The following HTR7 variants were observed in gnomAD, a reference collection of about 807,000 sequenced individuals.
HTR7 encodes 5-hydroxytryptamine receptor 7.
In HTR7, 16 loss-of-function variants were observed where a neutral mutation model predicts 34.0. The ratio of observed to expected loss-of-function variants is 0.47; its 90% CI spans 0.32 to 0.71. The LOEUF is 0.71. HTR7 is among the 30% of genes least tolerant of loss of function. The probability of loss-of-function intolerance (pLI) is 0.04; values close to 1 mark genes in which losing one functional copy is unlikely to be tolerated. For missense variants in HTR7, 504 were observed against 625.5 expected, an observed-to-expected ratio of 0.81 and a Z score of 2.07; for synonymous variants, 265 against 260.2, an observed-to-expected ratio of 1.02 and a Z score of -0.18.
At chr10:90,805,199 A>G (rs1037366924) in intron 1 of HTR7, among the ~76,000 whole-genome samples, 2 of 152,180 alleles carry the variant, frequency 1.3e-5, no homozygotes, top group Admixed American at 6.5e-5. Context: ...GGTCATTACT[A>G]TAGGGGGCTA....
At chr10:90,820,054 A>C (rs997973435) in intron 1 of HTR7, among the ~76,000 whole-genome samples, 1 of 152,194 alleles carries the variant, frequency 6.6e-6, no homozygotes, top group Admixed American at 6.5e-5. Flanking sequence ...CTATTTAAAA[A>C]AAGAAAGAAA....
chr10:90,806,827 G>C (rs1434173427), intron 1 of HTR7, among the ~76,000 whole-genome samples: 2 of 151,816 alleles, frequency 1.3e-5, no homozygotes, highest in Non-Finnish European at 2.9e-5. Flanking sequence ...GCTGGGCCTT[G>C]GCCAAACCAA....
chr10:90,748,361 T>G (rs1408902475), intron 2 of HTR7, among the ~76,000 whole-genome samples: 1 of 152,176 alleles, frequency 6.6e-6, no homozygotes, highest in Non-Finnish European at 1.5e-5. Context: ...CTCTTCTTTT[T>G]CCTGGGCTGC....
chr10:90,752,989 TAACA>T (rs1173046014), intron 1 of HTR7, among the ~76,000 whole-genome samples: 1 of 152,178 alleles, frequency 6.6e-6, no homozygotes, highest in Non-Finnish European at 1.5e-5. Context: ...TAAATGTTTG[TAACA>T]AACAAAATAA....
At chr10:90,801,676 A>C (rs1229416938) in intron 1 of HTR7, among the ~76,000 whole-genome samples, 1 of 152,208 alleles carries the variant, frequency 6.6e-6, no homozygotes, top group Non-Finnish European at 1.5e-5. Context: ...TGGCATAGCC[A>C]GTAGGATCCC....
intron 1 of HTR7, among the ~76,000 whole-genome samples, chr10:90,825,312 G>A (rs143326580): frequency 4.3e-4 from 65 of 152,188 alleles, no homozygotes; most frequent in East Asian, 1.4e-3. Flanking sequence ...CAGACATGGC[G>A]GCAGTGACCA....
At position 90,789,993 on chromosome 10, in the gene HTR7, A is replaced by G. The variant is rs78716835; in HGVS notation, c.540-40399T>C. On this transcript the variant is annotated intron_variant, in intron 1 of 3. Transcript: ENST00000336152. ...TATTTCATTTCATTTTTTCAAGAAAATATCTACTTAGTGCACACCCTACAC... is the reference window on the plus strand; with the variant it reads ...TATTTCATTTCATTTTTTCAAGAAAGTATCTACTTAGTGCACACCCTACAC... Among the ~76,000 whole-genome samples the G allele has an allele frequency of 2.9e-3, 442 of 152,280 alleles. 2 individuals carry two copies. The highest frequency in any genetic ancestry group is 6.8e-3 in the Middle Eastern group (2 of 294).
At chr10:90,843,611 G>C (rs143298668) in intron 1 of HTR7, among the ~76,000 whole-genome samples, 2 of 152,224 alleles carry the variant, frequency 1.3e-5, no homozygotes, top group South Asian at 4.2e-4. Context: ...GCCAAAATAC[G>C]GGGAGGAGAG....
intron 1 of HTR7, among the ~76,000 whole-genome samples, chr10:90,834,754 T>C (rs966894484): frequency 5.9e-5 from 9 of 152,120 alleles, no homozygotes; most frequent in Admixed American, 5.2e-4. Context: ...CCAACTCCAA[T>C]GAACCCCCCT....
chr10:90,806,513 G>A (rs2119944858), intron 1 of HTR7, among the ~76,000 whole-genome samples: 1 of 152,164 alleles, frequency 6.6e-6, no homozygotes, highest in South Asian at 2.1e-4. Flanking sequence ...GCAGGAGAAT[G>A]GCGTGAACCC....
chr10:90,824,062 T>C lies in HTR7; in HGVS notation c.539+33071A>G, dbSNP rs183953366. 3.3e-4 allele frequency among the ~76,000 whole-genome samples: 51 copies of C among 152,372 alleles called. No individual in the cohort carries two copies. In the East Asian group the frequency reaches 7.3e-3, roughly 22 times the overall value. On this transcript the variant is annotated intron_variant, in intron 1 of 3. Coordinates refer to ENST00000336152, the MANE Select transcript of HTR7 (RefSeq NM_019859.4). ...TCACAGAGTAACACAGGAGGGCTTG[T>C]ACTAACCATCCCCCAATCCCAGGCA... is the stretch of plus-strand genomic sequence containing the variant.
chr10:90,742,655 GATT>G, intron 3 of HTR7, 127 bp from the exon 4 acceptor site: 1 of 606,242 alleles, frequency 1.6e-6, no homozygotes, highest in Non-Finnish European at 2.9e-6. Context: ...GCTTTTAAGG[GATT>G]ATGAGTATCC....
chr10:90,854,101 C>T (rs1410764898), intron 1 of HTR7, among the ~76,000 whole-genome samples: 1 of 152,222 alleles, frequency 6.6e-6, no homozygotes, highest in Non-Finnish European at 1.5e-5. Context: ...CCTGGTGGCT[C>T]ACGCCTGTAA....
In HTR7 at chr10:90,743,898, C is replaced by A. The variant is rs17099386; in HGVS notation, c.1296-208G>T. On this transcript the variant is annotated intron_variant, in intron 2 of 3. Transcript: ENST00000336152. ...TTTCCTCCATCTATTCACTTCATTACCCCAGGGAAAATTTTCGAGTGCCTG... is the reference window on the plus strand; with the variant it reads ...TTTCCTCCATCTATTCACTTCATTAACCCAGGGAAAATTTTCGAGTGCCTG... 6.0e-4 allele frequency: 418 copies of A among 691,246 alleles called. 2 individuals carry two copies. In the East Asian group the frequency reaches 9.8e-3, roughly 16 times the overall value. 42.8% of individuals were successfully genotyped at this position (691,246 alleles called of 1,614,324 possible).
chr10:90,812,426 A>G (rs1210258460), intron 1 of HTR7, among the ~76,000 whole-genome samples: 1 of 152,248 alleles, frequency 6.6e-6, no homozygotes, highest in Admixed American at 6.5e-5. Context: ...CTTTGCTGGC[A>G]GGACTATGCT....
At chr10:90,743,538 G>T in intron 3 of HTR7, 55 bp downstream of exon 3, 1 of 1,364,478 alleles carries the variant, frequency 7.3e-7, no homozygotes, top group Non-Finnish European at 1.0e-6. Flanking sequence ...TTCATGTTCT[G>T]AATTCCTCCA....
intron 1 of HTR7, among the ~76,000 whole-genome samples, chr10:90,796,775 G>A (rs1257930736): frequency 2.6e-5 from 4 of 152,156 alleles, no homozygotes; most frequent in Admixed American, 6.5e-5. Flanking sequence ...ATGGGAGGCC[G>A]AGGCAGGCAG....
intron 1 of HTR7, among the ~76,000 whole-genome samples, chr10:90,776,268 T>C (rs935634613): frequency 2.6e-5 from 4 of 152,252 alleles, no homozygotes; most frequent in African/African-American, 9.6e-5. Context: ...ACTTTAATCA[T>C]GAAAGGTCTG....
intron 1 of HTR7, among the ~76,000 whole-genome samples, chr10:90,847,751 A>G (rs1328985737): frequency 6.6e-6 from 1 of 152,234 alleles, no homozygotes; most frequent in Non-Finnish European, 1.5e-5. Context: ...CTGCCCTCAT[A>G]CACAAAGCTA....
Sources: allele counts gnomAD v4.1 joint callset (sites outside exome capture counted in the v4.1 genomes callset), GRCh38; gene constraint gnomAD v4.1.1; transcripts MANE v1.5; gene names NCBI Gene and HGNC (gene_info 2026-07-23, HGNC 2026-07-21).